Variants in COPG2 observed in about 807,000 individuals in gnomAD.
COPG2 encodes coat protein complex I subunit gamma 2.
In COPG2, 37 loss-of-function variants were observed where a neutral mutation model predicts 46.3. The observed-to-expected ratio is 0.80, with a 90% CI of 0.61 to 1.05. The LOEUF is 1.05. Ranked by LOEUF, COPG2 falls within the 50% of genes least tolerant of loss-of-function variation. COPG2 has a pLI of 0.00. For synonymous variants in COPG2, 159 were observed against 129.7 expected (o/e 1.23, Z -1.53); for missense variants, 427 against 387.8 (o/e 1.10, Z -0.85).
At chr7:130,571,643 C>T (rs1554445537) in intron 9 of COPG2, among the ~76,000 whole-genome samples, 1 of 152,084 alleles carries the variant, frequency 6.6e-6, no homozygotes, top group Non-Finnish European at 1.5e-5. Flanking sequence ...GTGGAGATTA[C>T]TTAAAGAACT....
chr7:130,649,969 T>C (rs13237881), intron 5 of COPG2, among the ~76,000 whole-genome samples: 9 of 152,110 alleles, frequency 5.9e-5, no homozygotes, highest in Non-Finnish European at 1.2e-4. Context: ...GTCCAACACT[T>C]GTCTCACTGG....
chr7:130,590,047 A>G (rs1180413186), intron 9 of COPG2, among the ~76,000 whole-genome samples: 1 of 152,146 alleles, frequency 6.6e-6, no homozygotes, highest in Non-Finnish European at 1.5e-5. Flanking sequence ...TTTCCTATCA[A>G]AAGATTGTAT....
At chr7:130,571,745 T>A (rs373311582) in intron 9 of COPG2, among the ~76,000 whole-genome samples, 159 of 152,132 alleles carry the variant, frequency 1.0e-3, no homozygotes, top group African/African-American at 3.6e-3. Context: ...ACTTGCACAC[T>A]CATGTTTATA....
chr7:130,585,710 A>C (rs1343788928), intron 9 of COPG2, among the ~76,000 whole-genome samples: 1 of 151,982 alleles, frequency 6.6e-6, no homozygotes, highest in African/African-American at 2.4e-5. Context: ...CGAACATATA[A>C]AAAAATGCTC....
intron 4 of COPG2, among the ~76,000 whole-genome samples, chr7:130,661,250 C>T (rs550244115): frequency 2.2e-4 from 33 of 152,300 alleles, no homozygotes; most frequent in African/African-American, 7.9e-4. Context: ...TTCTTTCTTA[C>T]TCTGCTTCCT....
At chr7:130,547,539 A>AAC (rs1392022609) in intron 20 of COPG2, 135 bp downstream of exon 20, 3 of 395,178 alleles carry the variant, frequency 7.6e-6, no homozygotes, top group South Asian at 1.4e-4. Flanking sequence ...CACACACACA[A>AAC]ACACACACAC....
intron 5 of COPG2, among the ~76,000 whole-genome samples, chr7:130,652,351 T>C (rs1795764596): frequency 6.6e-6 from 1 of 152,228 alleles, no homozygotes; most frequent in Non-Finnish European, 1.5e-5. Context: ...AGAGTATGTC[T>C]CCCTTACACA....
chr7:130,534,595 G>A (rs1799860967), intron 20 of COPG2, among the ~76,000 whole-genome samples: 1 of 152,182 alleles, frequency 6.6e-6, no homozygotes, highest in Admixed American at 6.5e-5. Context: ...GCAATACAGA[G>A]TAAATCCAGT....
At chr7:130,578,844 T>G (rs1369428448) in intron 9 of COPG2, among the ~76,000 whole-genome samples, 1 of 148,704 alleles carries the variant, frequency 6.7e-6, no homozygotes, top group Non-Finnish European at 1.5e-5. Flanking sequence ...AATATGGGAC[T>G]ATGTGAAAAG....
intron 4 of COPG2, among the ~76,000 whole-genome samples, chr7:130,657,861 C>A (rs904617090): frequency 1.3e-5 from 2 of 149,270 alleles, no homozygotes; most frequent in African/African-American, 4.9e-5. Context: ...ATCAGAATAG[C>A]TAAAATTAAA....
At chr7:130,582,825 A>G (rs1301934831) in intron 9 of COPG2, among the ~76,000 whole-genome samples, 1 of 151,836 alleles carries the variant, frequency 6.6e-6, no homozygotes, top group African/African-American at 2.4e-5. Context: ...TTAGAATGGC[A>G]ATCATTAAAA....
At chr7:130,620,050 G>A (rs1795011693) in intron 5 of COPG2, among the ~76,000 whole-genome samples, 1 of 152,134 alleles carries the variant, frequency 6.6e-6, no homozygotes, top group Non-Finnish European at 1.5e-5. Context: ...TTGGAATACA[G>A]TATGCTATTT....
chr7:130,533,463 C>G (rs1054530466), intron 20 of COPG2, among the ~76,000 whole-genome samples: 128 of 151,582 alleles, frequency 8.4e-4, no homozygotes, highest in African/African-American at 3.0e-3. Context: ...TGGGAGGAGA[C>G]CAAAGTGGAA....
intron 20 of COPG2, among the ~76,000 whole-genome samples, chr7:130,523,741 G>A (rs1292199534): frequency 6.6e-6 from 1 of 152,082 alleles, no homozygotes; most frequent in East Asian, 1.9e-4. Context: ...TGGGCTGTGC[G>A]GGTGAGAGCA....
intron 9 of COPG2, among the ~76,000 whole-genome samples, chr7:130,583,263 C>T (rs1584983268): frequency 2.0e-5 from 3 of 149,408 alleles, no homozygotes; most frequent in Admixed American, 6.7e-5. Context: ...AACCAAACAC[C>T]GCAGATTCTC....
rs1244993832 is a variant in COPG2, at chr7:130,627,865, G to A, written c.324-10800C>T. Reference sequence around the variant, plus strand: ...TTGGCAGTTTTTCTTTTTACTCAAAGTGGTTTCATACTTTTCAGTATTCTC... The same window carrying A: ...TTGGCAGTTTTTCTTTTTACTCAAAATGGTTTCATACTTTTCAGTATTCTC... On this transcript the variant is annotated intron_variant, in intron 5 of 23. Transcript: ENST00000425248. 3.9e-5 allele frequency among the ~76,000 whole-genome samples: 6 copies of A among 152,278 alleles called. No individual in the cohort carries two copies. In the East Asian group the frequency reaches 1.2e-3, roughly 29 times the overall value.
At chr7:130,536,064 T>C (rs1799876915) in intron 20 of COPG2, among the ~76,000 whole-genome samples, 1 of 151,866 alleles carries the variant, frequency 6.6e-6, no homozygotes, top group Non-Finnish European at 1.5e-5. Context: ...CCAAAGGTAT[T>C]AACTGAGTGC....
At chr7:130,551,413 CTAAAG>C (rs1793533117) in intron 15 of COPG2, 69 bp from the exon 16 acceptor site, 1 of 396,938 alleles carries the variant, frequency 2.5e-6, no homozygotes, top group South Asian at 1.3e-4. Context: ...ACTACCAAAT[CTAAAG>C]GACACAGCTC....
At chr7:130,560,970 G>A (rs1366559916) in intron 12 of COPG2, 63 bp downstream of exon 12, 11 of 398,036 alleles carry the variant, frequency 2.8e-5, no homozygotes, top group African/African-American at 4.1e-5. Context: ...AAATGATACC[G>A]TTAAGAAAAT....
Sources: allele counts gnomAD v4.1 joint callset (sites outside exome capture counted in the v4.1 genomes callset), GRCh38; gene constraint gnomAD v4.1.1; transcripts MANE v1.5; gene names NCBI Gene and HGNC (gene_info 2026-07-23, HGNC 2026-07-21).